Variants in CCDC57 observed in about 807,000 individuals in gnomAD.
CCDC57 encodes the protein coiled-coil domain containing 57.
Under a neutral mutation model 118.9 loss-of-function variants are expected in CCDC57, and 118 were observed. The ratio of observed to expected loss-of-function variants is 0.99; its 90% CI spans 0.86 to 1.16. The LOEUF (loss-of-function observed/expected upper bound fraction) is 1.16. Among genes scored for constraint, CCDC57 ranks in the 50% most tolerant of loss-of-function variants. The pLI is 0.00. For missense variants in CCDC57, 1,300 were observed against 1,320.7 expected (o/e 0.98, Z 0.24); for synonymous variants, 527 against 532.9 (o/e 0.99, Z 0.15).
intron 16 of CCDC57, among the ~76,000 whole-genome samples, chr17:82,140,192 T>A (rs891637212): frequency 1.3e-5 from 2 of 151,974 alleles, no homozygotes; most frequent in Non-Finnish European, 2.9e-5. Context: ...TTCACGCCAT[T>A]CTCCTCCATC....
intron 14 of CCDC57, among the ~76,000 whole-genome samples, chr17:82,161,753 A>G (rs1472068772): frequency 1.3e-5 from 2 of 152,142 alleles, no homozygotes; most frequent in Non-Finnish European, 2.9e-5. Context: ...AAGGGGTGAC[A>G]CTGCTGTGTG....
chr17:82,129,260 C>G (rs2037941955), intron 17 of CCDC57, among the ~76,000 whole-genome samples: 1 of 152,142 alleles, frequency 6.6e-6, no homozygotes, highest in African/African-American at 2.4e-5. Flanking sequence ...CTCTGCCCGC[C>G]CCATGCCTGA....
intron 19 of CCDC57, chr17:82,126,558 G>A (rs1271757539): frequency 6.1e-6 from 6 of 985,186 alleles, no homozygotes; most frequent in Non-Finnish European, 6.0e-6. Context: ...GAAGATGCAC[G>A]ACCTCCCAGC....
chr17:82,134,907 T>A (rs2038936434), intron 16 of CCDC57, among the ~76,000 whole-genome samples: 1 of 152,150 alleles, frequency 6.6e-6, no homozygotes, highest in Non-Finnish European at 1.5e-5. Flanking sequence ...TCAAACGAGA[T>A]CCTTTCATCA....
intron 13 of CCDC57, among the ~76,000 whole-genome samples, chr17:82,170,447 G>A (rs556644115): frequency 1.3e-5 from 2 of 149,400 alleles, no homozygotes; most frequent in South Asian, 2.1e-4. Flanking sequence ...GGCAGAGGCT[G>A]CAATGAGCCA....
intron 13 of CCDC57, among the ~76,000 whole-genome samples, chr17:82,166,430 A>G (rs1409645763): frequency 6.6e-6 from 1 of 151,956 alleles, no homozygotes; most frequent in African/African-American, 2.4e-5. Context: ...CAGGAGGGTC[A>G]CTTGAGCCCA....
Position 82,172,345 on chromosome 17 carries a change from C to T in CCDC57, c.1729+293G>A, listed in dbSNP as rs991061181. 2.0e-5 allele frequency among the ~76,000 whole-genome samples: 3 copies of T among 152,228 alleles called. No individual in the cohort carries two copies. The highest frequency in any genetic ancestry group is 7.2e-5 in the African/African-American group (3 of 41,462). On this transcript the variant is annotated intron_variant, in intron 12 of 19. Transcript: ENST00000665763. The surrounding 1 kb of genome is among the most constrained non-coding windows in gnomAD (Gnocchi z 5.2). Reference sequence around the variant, plus strand: ...ACCAACCCATTCTGGGACAGCGCGACAGCAAGCCAGCCCTGGTCCAGGTCT... The same window carrying T: ...ACCAACCCATTCTGGGACAGCGCGATAGCAAGCCAGCCCTGGTCCAGGTCT...
intron 13 of CCDC57, among the ~76,000 whole-genome samples, chr17:82,167,443 C>T (rs992198828): frequency 2.6e-5 from 4 of 151,746 alleles, no homozygotes; most frequent in African/African-American, 4.8e-5. Flanking sequence ...CTCCACCTCC[C>T]GGGTTCAAGC....
chr17:82,176,432 G>A (rs559605201), intron 11 of CCDC57, among the ~76,000 whole-genome samples: 17 of 152,274 alleles, frequency 1.1e-4, no homozygotes, highest in South Asian at 2.1e-4. Flanking sequence ...CTCAAGTAGC[G>A]GAGCATATGC....
intron 19 of CCDC57, among the ~76,000 whole-genome samples, chr17:82,115,089 T>C (rs1373091503): frequency 1.3e-5 from 2 of 152,244 alleles, no homozygotes; most frequent in Non-Finnish European, 1.5e-5. Flanking sequence ...TGGCCTGGAC[T>C]GGATCCAGGG....
At chr17:82,148,417 A>T (rs1256113644) in intron 16 of CCDC57, among the ~76,000 whole-genome samples, 86 of 15,570 alleles carry the variant, frequency 5.5e-3, no homozygotes, top group African/African-American at 5.7e-3. Flanking sequence ...GGATGGATGG[A>T]TAGGTGGGTG....
At chr17:82,138,817 A>G (rs1178000421) in intron 16 of CCDC57, among the ~76,000 whole-genome samples, 1 of 152,234 alleles carries the variant, frequency 6.6e-6, no homozygotes, top group Non-Finnish European at 1.5e-5. Flanking sequence ...TCTCTTCATT[A>G]GAGTCCCGAA....
chr17:82,166,347 A>C (rs1338917406), intron 13 of CCDC57, among the ~76,000 whole-genome samples: 1 of 39,692 alleles, frequency 2.5e-5, no homozygotes, highest in African/African-American at 1.1e-4. Context: ...CCATCTCTAC[A>C]AAAAAAAAAA....
chr17:82,156,272 C>T (rs1356891630), intron 15 of CCDC57: 1 of 149,474 alleles, frequency 6.7e-6, no homozygotes, highest in Non-Finnish European at 1.5e-5. Context: ...GATTGGGCGA[C>T]AGTGTGAGAC....
rs1402069226 is a variant in CCDC57 at position 82,184,049 on chromosome 17, A to G, written c.1053-117T>C. ...CGCGCGCGCACACACACACACACACACACACACACACACACACACACACAC... is the reference window on the plus strand; with the variant it reads ...CGCGCGCGCACACACACACACACACGCACACACACACACACACACACACAC... On this transcript the variant is annotated intron_variant, in intron 8 of 19. Coordinates refer to ENST00000665763, the Ensembl canonical transcript of CCDC57. The G allele has an allele frequency of 1.5e-3, 812 of 557,006 alleles. 11 individuals carry two copies. Among genetic ancestry groups the G allele is most frequent in the African/African-American group, 0.01 (515 of 50,136 alleles). The allele number at this position is 557,006 out of a possible 1,614,324, so 34.5% of individuals were successfully genotyped here.
At chr17:82,160,897 A>G (rs1274768921) in intron 14 of CCDC57, among the ~76,000 whole-genome samples, 8 of 147,638 alleles carry the variant, frequency 5.4e-5, no homozygotes, top group South Asian at 2.2e-4. Context: ...AAAAAAAAAA[A>G]AGAGAAAGTG....
chr17:82,158,988 C>T (rs2043005176), intron 14 of CCDC57, among the ~76,000 whole-genome samples: 1 of 152,188 alleles, frequency 6.6e-6, no homozygotes, highest in African/African-American at 2.4e-5. Context: ...AATCCTCAGC[C>T]TCCTGAGTAG....
At chr17:82,131,254 AAC>A (rs2038322825) in intron 17 of CCDC57, among the ~76,000 whole-genome samples, 1 of 149,526 alleles carries the variant, frequency 6.7e-6, no homozygotes, top group South Asian at 2.2e-4. Flanking sequence ...AACATGGCAA[AAC>A]CTCGTCTCTA....
chr17:82,131,077 T>G (rs2038291809), intron 17 of CCDC57, among the ~76,000 whole-genome samples: 1 of 150,460 alleles, frequency 6.6e-6, no homozygotes, highest in Non-Finnish European at 1.5e-5. Flanking sequence ...CCTCCCAAAG[T>G]GCTGGGATTA....
Sources: allele counts gnomAD v4.1 joint callset (sites outside exome capture counted in the v4.1 genomes callset), GRCh38; gene constraint gnomAD v4.1.1; non-coding constraint Gnocchi (gnomAD v3.1); transcripts MANE v1.5; gene names NCBI Gene and HGNC (gene_info 2026-07-23, HGNC 2026-07-21).